ZC3H12B: variants seen among roughly 807,000 people sequenced by gnomAD.
The protein encoded by ZC3H12B is zinc finger CCCH-type containing 12B.
In ZC3H12B, 7 loss-of-function variants were observed where a neutral mutation model predicts 43.9. The ratio of observed to expected loss-of-function variants is 0.16; its 90% CI spans 0.09 to 0.30. The LOEUF is 0.30. Among genes scored for constraint, ZC3H12B ranks in the 10% least tolerant of loss-of-function variants. The pLI is 1.00. For missense variants in ZC3H12B, 475 were observed against 670.2 expected, an observed-to-expected ratio of 0.71 and a Z score of 3.22; for synonymous variants, 222 against 241.7, an observed-to-expected ratio of 0.92 and a Z score of 0.76.
chrX:65,110,723 C>T, the ZC3H12B span, among the ~76,000 whole-genome samples: 1 of 111,305 alleles, frequency 9.0e-6, no homozygotes, highest in Admixed American at 9.5e-5. Context: ...GTTTCTTTAT[C>T]TTTCCATATA....
At chrX:65,250,682 G>A in the ZC3H12B span, among the ~76,000 whole-genome samples, 2 of 111,942 alleles carry the variant, frequency 1.8e-5, no homozygotes, top group Non-Finnish European at 3.8e-5. Flanking sequence ...TTTCTCTGAT[G>A]GCCAGTGATG....
At chrX:65,218,632 C>A in the ZC3H12B span, among the ~76,000 whole-genome samples, 1 of 110,587 alleles carries the variant, frequency 9.0e-6, no homozygotes, top group African/African-American at 3.3e-5. Context: ...CCCCAGGAAC[C>A]ACACCCCCAT....
chrX:65,131,685 A>T, the ZC3H12B span, among the ~76,000 whole-genome samples: 1 of 111,616 alleles, frequency 9.0e-6, no homozygotes, highest in Non-Finnish European at 1.9e-5. Context: ...CATGCGTAGG[A>T]AGGAAAGGAA....
the ZC3H12B span, among the ~76,000 whole-genome samples, chrX:65,257,284 T>A: frequency 1.8e-5 from 2 of 111,778 alleles, no homozygotes; most frequent in Non-Finnish European, 3.8e-5. Flanking sequence ...TAAAAAAGGA[T>A]GAGTTCATGT....
Position 65,435,734 on chromosome X carries a change from A to G in ZC3H12B, n.407+37030A>G, listed in dbSNP as rs1005941687. Among the ~76,000 whole-genome samples the G allele has an allele frequency of 5.4e-5, 6 of 111,362 alleles. No homozygotes were observed. The Admixed American group carries it at 5.8e-4, about 11-fold the overall frequency. ...GATAGATGAGAGGGGATTTATTATG[A>G]AAATGGGCTCACACTATTAAGGAGG... On this transcript the variant is annotated intron_variant and non_coding_transcript_variant, in intron 3 of 5. Coordinates refer to the ZC3H12B transcript ENST00000617377.
the ZC3H12B span, among the ~76,000 whole-genome samples, chrX:65,296,496 A>G: frequency 9.0e-6 from 1 of 111,015 alleles, no homozygotes; most frequent in African/African-American, 3.3e-5. Flanking sequence ...CAAAAAACTT[A>G]TTGAAATAAA....
At position 65,474,930 on chromosome X, in the gene ZC3H12B, T is replaced by C. The variant is rs372043312; in HGVS notation, n.408-13716T>C. Among the ~76,000 whole-genome samples, 7 of 112,812 alleles carry C rather than the reference T, an allele frequency of 6.2e-5. No homozygotes were observed. In the East Asian group the frequency reaches 1.7e-3, roughly 27 times the overall value. ...CCTCTTCCTTTGCTGTTTGATGAGT[T>C]ATTTTGGTAGTGATTTGCTTTGATG... On this transcript the variant is annotated intron_variant and non_coding_transcript_variant, in intron 3 of 5. Transcript: ENST00000617377.
chrX:65,069,321 C>T, the ZC3H12B span, among the ~76,000 whole-genome samples: 1 of 105,215 alleles, frequency 9.5e-6, no homozygotes, highest in Admixed American at 1.1e-4. Context: ...ATTTTTTATT[C>T]TTATTTCTTT....
chrX:65,437,540 T>C (rs1173655006), intron 3 of ZC3H12B, among the ~76,000 whole-genome samples: 2 of 112,565 alleles, frequency 1.8e-5, no homozygotes, highest in African/African-American at 6.4e-5. Context: ...CATTTGTATG[T>C]CTTCTTTTAA....
At chrX:65,091,585 G>A in the ZC3H12B span, among the ~76,000 whole-genome samples, 3 of 111,772 alleles carry the variant, frequency 2.7e-5, no homozygotes, top group Non-Finnish European at 5.6e-5. Context: ...TACTAGCTAT[G>A]GACAAGGTGT....
chrX:65,167,635 G>A, the ZC3H12B span, among the ~76,000 whole-genome samples: 3 of 112,017 alleles, frequency 2.7e-5, no homozygotes, highest in African/African-American at 9.7e-5. Context: ...ACCTTGGGCA[G>A]TACGGCTGTT....
intron 2 of ZC3H12B, among the ~76,000 whole-genome samples, chrX:65,388,847 C>G (rs2066569014): frequency 8.9e-6 from 1 of 111,945 alleles, no homozygotes; most frequent in Admixed American, 9.5e-5. Context: ...TGTTAGTTTT[C>G]CTTCTAACAG....
chrX:65,092,983 A>C, the ZC3H12B span, among the ~76,000 whole-genome samples: 1 of 111,479 alleles, frequency 9.0e-6, no homozygotes, highest in East Asian at 2.8e-4. Flanking sequence ...GGAGGGAAGA[A>C]TGGTTTCATG....
chrX:65,456,016 C>T (rs2067603703), intron 3 of ZC3H12B, among the ~76,000 whole-genome samples: 1 of 111,720 alleles, frequency 9.0e-6, no homozygotes, highest in African/African-American at 3.3e-5. Context: ...TGAGCCACTG[C>T]AAAAACATAC....
chrX:65,153,325 A>G, the ZC3H12B span, among the ~76,000 whole-genome samples: 2 of 112,100 alleles, frequency 1.8e-5, no homozygotes, highest in African/African-American at 6.5e-5. Flanking sequence ...AATTTTTGCA[A>G]CCTACTCATC....
the ZC3H12B span, among the ~76,000 whole-genome samples, chrX:65,222,780 T>C: frequency 2.7e-5 from 3 of 110,192 alleles, no homozygotes; most frequent in African/African-American, 9.9e-5. Context: ...ATGGCTAGAA[T>C]CAATATTGTG....
At chrX:65,043,165 C>T in the ZC3H12B span, among the ~76,000 whole-genome samples, 1 of 111,045 alleles carries the variant, frequency 9.0e-6, no homozygotes, top group South Asian at 3.8e-4. Flanking sequence ...TAGGCCCCAA[C>T]CCTAAGTGAA....
At chrX:65,322,596 T>A in the ZC3H12B span, among the ~76,000 whole-genome samples, 1 of 112,134 alleles carries the variant, frequency 8.9e-6, no homozygotes, top group Non-Finnish European at 1.9e-5. Context: ...TTTCCATTTG[T>A]CTCCGTGTCT....
intron 2 of ZC3H12B, among the ~76,000 whole-genome samples, chrX:65,379,907 A>C (rs2066411688): frequency 1.8e-5 from 2 of 111,777 alleles, no homozygotes; most frequent in Admixed American, 9.5e-5. Context: ...AATTTAGAGA[A>C]AAAAGAATAA....
Sources: allele counts gnomAD v4.1 joint callset (sites outside exome capture counted in the v4.1 genomes callset), GRCh38; gene constraint gnomAD v4.1.1; transcripts MANE v1.5; gene names NCBI Gene and HGNC (gene_info 2026-07-23, HGNC 2026-07-21).